The following RREB1 variants were observed in gnomAD, a reference collection of about 807,000 sequenced individuals.
RREB1 encodes ras responsive element binding protein 1.
RREB1 carries 27 observed loss-of-function variants against 117.8 expected under a neutral mutation model. That is an observed-to-expected ratio of 0.23 (90% confidence interval 0.17 to 0.32). The LOEUF (loss-of-function observed/expected upper bound fraction) is 0.32. Ranked by LOEUF, RREB1 falls within the 10% of genes least tolerant of loss-of-function variation. RREB1 has a pLI of 1.00. For missense variants in RREB1, 2,577 were observed against 2,378.2 expected (o/e 1.08, Z -1.74); for synonymous variants, 1,298 against 1,026.7 (o/e 1.26, Z -5.05).
chr6:7,197,299 T>G (rs879310226), intron 6 of RREB1, among the ~76,000 whole-genome samples: 3 of 152,234 alleles, frequency 2.0e-5, no homozygotes, highest in East Asian at 3.8e-4. Flanking sequence ...TCTAAAGAGT[T>G]GTGGAGCATG....
intron 1 of RREB1, among the ~76,000 whole-genome samples, chr6:7,110,831 C>T (rs1761106854): frequency 6.6e-6 from 1 of 152,136 alleles, no homozygotes; most frequent in South Asian, 2.1e-4. Context: ...TTAAGAAATG[C>T]TGCCGATGCT....
intron 1 of RREB1, among the ~76,000 whole-genome samples, chr6:7,156,680 C>T (rs1763379409): frequency 6.6e-6 from 1 of 152,178 alleles, no homozygotes; most frequent in African/African-American, 2.4e-5. Context: ...AGGAGAGCAG[C>T]TATGTGTGTG....
chr6:7,110,967 T>C (rs1294385391), intron 1 of RREB1, among the ~76,000 whole-genome samples: 1 of 152,250 alleles, frequency 6.6e-6, no homozygotes, highest in African/African-American at 2.4e-5. Flanking sequence ...ATGCGTCTTA[T>C]TGAGCTGGTA....
intron 2 of RREB1, among the ~76,000 whole-genome samples, chr6:7,180,536 A>T (rs761773873): frequency 1.3e-5 from 2 of 152,238 alleles, no homozygotes; most frequent in Non-Finnish European, 2.9e-5. Context: ...CCTAGTTAAA[A>T]TGAGGGAAGC....
At position 7,221,343 on chromosome 6, in the gene RREB1, T is replaced by A. The variant is rs965237013; in HGVS notation, c.708-5124T>A. 1.3e-4 allele frequency among the ~76,000 whole-genome samples: 20 copies of A among 151,992 alleles called. 1 individual carries two copies. The highest frequency in any genetic ancestry group is 4.1e-4 in the African/African-American group (17 of 41,342). ...GCCACTGCGCCCGGCTAATTTTTTG[T>A]ATTTTTTTTTAGTAGAGACGGGGTT... On this transcript the variant is annotated intron_variant, in intron 8 of 12. Transcript: ENST00000379938.
At chr6:7,132,049 G>A (rs1204610328) in intron 1 of RREB1, among the ~76,000 whole-genome samples, 1 of 151,864 alleles carries the variant, frequency 6.6e-6, no homozygotes, top group African/African-American at 2.4e-5. Context: ...AGTAAAGATC[G>A]GGTTTTTTTG....
chr6:7,182,698 G>A (rs1239311997), intron 4 of RREB1, among the ~76,000 whole-genome samples: 1 of 152,216 alleles, frequency 6.6e-6, no homozygotes, highest in South Asian at 2.1e-4. Context: ...TCCTTGAAAA[G>A]TTGTTGCTGT....
At chr6:7,225,288 C>T (rs545073548) in intron 8 of RREB1, among the ~76,000 whole-genome samples, 1 of 152,274 alleles carries the variant, frequency 6.6e-6, no homozygotes, top group East Asian at 1.9e-4. Flanking sequence ...AACAGAATAT[C>T]CTGTGATCTT....
Position 7,228,993 on chromosome 6 carries a change from A to C in RREB1, c.898-4A>C. Reference sequence around the variant, plus strand: ...CCTTGCTTTTACCGGTGGGTTCTATATAGGCCTGGTGCGAAACAAACCTGC... The same window carrying C: ...CCTTGCTTTTACCGGTGGGTTCTATCTAGGCCTGGTGCGAAACAAACCTGC... On this transcript the variant is annotated splice_polypyrimidine_tract_variant and splice_region_variant and intron_variant, in intron 9 of 12. Transcript: ENST00000379938. The C allele has an allele frequency of 6.6e-7, 1 of 1,514,962 alleles. No homozygotes were observed. Among genetic ancestry groups the C allele is most frequent in the Non-Finnish European group, 8.9e-7 (1 of 1,129,254 alleles). 93.8% of individuals were successfully genotyped at this position (1,514,962 alleles called of 1,614,324 possible).
At chr6:7,141,992 A>G (rs1210900669) in intron 1 of RREB1, among the ~76,000 whole-genome samples, 1 of 152,226 alleles carries the variant, frequency 6.6e-6, no homozygotes, top group Non-Finnish European at 1.5e-5. Flanking sequence ...CAGGCGGATC[A>G]TCTGAGGTCA....
At chr6:7,221,552 C>T (rs896348790) in intron 8 of RREB1, among the ~76,000 whole-genome samples, 7 of 152,252 alleles carry the variant, frequency 4.6e-5, no homozygotes, top group African/African-American at 1.4e-4. Flanking sequence ...AATTTCTTCT[C>T]TGCCACTTTC....
chr6:7,238,324 G>A lies in RREB1; in HGVS notation c.3809-2114G>A, dbSNP rs191353332. Among the ~76,000 whole-genome samples the A allele has an allele frequency of 6.1e-3, 929 of 152,200 alleles. 6 individuals carry two copies. The highest frequency in any genetic ancestry group is 8.7e-3 in the Non-Finnish European group (595 of 68,018). On this transcript the variant is annotated intron_variant, in intron 10 of 12. Transcript: ENST00000379938. Reference sequence around the variant, plus strand: ...ACAATCTCTGCTCACTGCCACCTCCGCCTCCCAGGCTCAAGCAATCCTCCC... The same window carrying A: ...ACAATCTCTGCTCACTGCCACCTCCACCTCCCAGGCTCAAGCAATCCTCCC...
chr6:7,237,551 T>C (rs148084094), intron 10 of RREB1, among the ~76,000 whole-genome samples: 1 of 152,172 alleles, frequency 6.6e-6, no homozygotes, highest in Non-Finnish European at 1.5e-5. Flanking sequence ...AGCGCTCGCG[T>C]TGGGGCTTGC....
At chr6:7,160,084 G>A (rs1488058039) in intron 1 of RREB1, among the ~76,000 whole-genome samples, 1 of 151,720 alleles carries the variant, frequency 6.6e-6, no homozygotes, top group Admixed American at 6.6e-5. Context: ...AGGGCAGGGT[G>A]CAATTAAGGA....
intron 8 of RREB1, among the ~76,000 whole-genome samples, chr6:7,223,422 G>A (rs561652185): frequency 2.0e-5 from 3 of 151,946 alleles, no homozygotes; most frequent in Admixed American, 6.6e-5. Flanking sequence ...TTAGCTGGGC[G>A]TGGTGGCGCA....
intron 11 of RREB1, among the ~76,000 whole-genome samples, chr6:7,241,234 C>T (rs561681472): frequency 3.3e-5 from 5 of 152,292 alleles, no homozygotes; most frequent in African/African-American, 7.2e-5. Context: ...GAGCAATTAA[C>T]GGCTGCCCGA....
In RREB1 at chr6:7,249,178, G is replaced by A. The variant is rs1016245983; in HGVS notation, c.*210G>A. 16 of 505,186 alleles carry A rather than the reference G, an allele frequency of 3.2e-5. No homozygotes were observed. The highest frequency in any genetic ancestry group is 1.7e-4 in the African/African-American group (9 of 52,072). The allele number at this position is 505,186 out of a possible 1,614,324, so 31.3% of individuals were successfully genotyped here. On this transcript the variant is annotated 3_prime_UTR_variant, in exon 13 of 13. Transcript: ENST00000379938. Reference sequence around the variant, plus strand: ...TGCGCGGGAGGCCACAGCCCGTGCCGATTCCAGTGCCTTAACTACTTACCG... The same window carrying A: ...TGCGCGGGAGGCCACAGCCCGTGCCAATTCCAGTGCCTTAACTACTTACCG...
chr6:7,178,440 C>G (rs981190644), intron 2 of RREB1, among the ~76,000 whole-genome samples: 2 of 152,130 alleles, frequency 1.3e-5, no homozygotes, highest in Non-Finnish European at 2.9e-5. Context: ...TGCTCTGGTT[C>G]GATGATCTTG....
At position 7,249,049 on chromosome 6, in the gene RREB1, G is replaced by T; in HGVS notation, c.*81G>T. ...TCATGGGGTTTCCTCAGTGCCCTTT[G>T]GCTGTTGAGGAGTGAGAGAGAGAGA... On this transcript the variant is annotated 3_prime_UTR_variant, in exon 13 of 13. Coordinates refer to ENST00000379938, the MANE Select transcript of RREB1 (RefSeq NM_001003699.4). 2.0e-6 allele frequency: 2 copies of T among 1,015,208 alleles called. No individual in the cohort carries two copies. The highest frequency in any genetic ancestry group is 2.8e-6 in the Non-Finnish European group (2 of 724,154). The allele number at this position is 1,015,208 out of a possible 1,614,324, so 62.9% of individuals were successfully genotyped here.
Sources: allele counts gnomAD v4.1 joint callset (sites outside exome capture counted in the v4.1 genomes callset), GRCh38; gene constraint gnomAD v4.1.1; transcripts MANE v1.5; gene names NCBI Gene and HGNC (gene_info 2026-07-23, HGNC 2026-07-21).